Variants in RNF17 observed in about 807,000 individuals in gnomAD.
RNF17 encodes the protein ring finger protein 17.
Under a neutral mutation model 200.5 loss-of-function variants are expected in RNF17, and 31 were observed. That is an observed-to-expected ratio of 0.15 (90% CI 0.12 to 0.21). The LOEUF (loss-of-function observed/expected upper bound fraction) is 0.21, where lower values mean the gene tolerates loss of function less well. Among genes scored for constraint, RNF17 ranks in the 10% least tolerant of loss-of-function variants. The pLI, the probability that RNF17 is intolerant of heterozygous loss-of-function variation, is 1.00. For missense variants in RNF17, 1,628 were observed against 1,905.1 expected, an observed-to-expected ratio of 0.85 and a Z score of 2.71; for synonymous variants, 606 against 637.8, an observed-to-expected ratio of 0.95 and a Z score of 0.75.
At chr13:24,841,615 AATGTC>A (rs1449809055) in intron 18 of RNF17, among the ~76,000 whole-genome samples, 1 of 152,170 alleles carries the variant, frequency 6.6e-6, no homozygotes, top group African/African-American at 2.4e-5. Flanking sequence ...TTCTACAAGA[AATGTC>A]ATGTGTGCAA....
intron 10 of RNF17, 132 bp downstream of exon 10, chr13:24,793,478 A>G: frequency 1.2e-6 from 1 of 833,762 alleles, no homozygotes; most frequent in Non-Finnish European, 1.8e-6. Flanking sequence ...ATGAGTTAAA[A>G]CCTGTTCATT....
intron 10 of RNF17, 74 bp from the exon 11 acceptor site, chr13:24,796,063 T>C (rs1390134313): frequency 8.6e-7 from 1 of 1,167,858 alleles, no homozygotes; most frequent in South Asian, 1.6e-5. Context: ...TTAGAGGCTA[T>C]TATGGTTGTT....
Position 24,793,328 on chromosome 13 carries a change from A to G in RNF17, c.1222A>G (p.Ile408Val). Residue 408 changes from isoleucine to valine, a missense_variant, in exon 10 of 36, where the codon ATT (isoleucine) becomes GTT (valine). By Grantham distance (29) the Ile-to-Val change is conservative (BLOSUM62 3). Around this residue, in one of 5 missense-constraint regions of RNF17, gnomAD observed 502 missense variants for 501.7 expected, o/e 1.00. Coordinates refer to ENST00000255324, the MANE Select transcript of RNF17 (RefSeq NM_031277.3). ...CCCTGATGTGATAATTGAAGAAATTATTGAAGACAACGTGGAAAGTAAGTT... is the reference window on the plus strand; with the variant it reads ...CCCTGATGTGATAATTGAAGAAATTGTTGAAGACAACGTGGAAAGTAAGTT... ...SSPDVIIEEI[I>V]EDNVESSAEL... The G allele has an allele frequency of 2.5e-6, 4 of 1,588,002 alleles. No homozygotes were observed. The highest frequency in any genetic ancestry group is 3.4e-6 in the Non-Finnish European group (4 of 1,170,768).
At chr13:24,804,843 T>C (rs2137760806) in intron 15 of RNF17, among the ~76,000 whole-genome samples, 1 of 152,350 alleles carries the variant, frequency 6.6e-6, no homozygotes. Context: ...GTGTGACTGA[T>C]GTGTTTAGAT....
Position 24,830,509 on chromosome 13 carries a change from A to G in RNF17, c.2271A>G (p.Glu757=), listed in dbSNP as rs952396226. ...GATTGCCTGGACATCAGGAAGTTGA[A>G]GTTAAATATGTGGACTTTGGTAATA... ...VIGLPGHQEV[E]VKYVDFGNTA... is the part of the protein sequence containing the mutation. Residue 757 remains glutamate, a synonymous_variant, in exon 17 of 36, where the codon GAA becomes GAG. Transcript: ENST00000255324. 1.2e-6 allele frequency: 2 copies of G among 1,605,888 alleles called. No individual in the cohort carries two copies. The highest frequency in any genetic ancestry group is 1.7e-6 in the Non-Finnish European group (2 of 1,176,284).
At chr13:24,768,521 T>G (rs556929088) in intron 2 of RNF17, among the ~76,000 whole-genome samples, 27 of 152,258 alleles carry the variant, frequency 1.8e-4, no homozygotes, top group African/African-American at 6.3e-4. Context: ...CCTCACCTCG[T>G]GATCCGCCCA....
intron 22 of RNF17, among the ~76,000 whole-genome samples, chr13:24,849,552 A>G (rs1378026898): frequency 6.6e-6 from 1 of 152,196 alleles, no homozygotes; most frequent in Non-Finnish European, 1.5e-5. Context: ...AAGATTGGAC[A>G]CCTCTGCAGT....
At chr13:24,876,655 G>C (rs959120976) in intron 33 of RNF17, among the ~76,000 whole-genome samples, 6 of 152,158 alleles carry the variant, frequency 3.9e-5, no homozygotes, top group African/African-American at 1.4e-4. Flanking sequence ...GATTTGACTT[G>C]CATTTCCCTA....
At chr13:24,831,361 G>T (rs1159841423) in intron 17 of RNF17, among the ~76,000 whole-genome samples, 3 of 152,118 alleles carry the variant, frequency 2.0e-5, no homozygotes, top group Non-Finnish European at 4.4e-5. Flanking sequence ...AGAATTGCTT[G>T]AACCCGGGAG....
At chr13:24,804,768 G>T (rs754631523) in intron 15 of RNF17, among the ~76,000 whole-genome samples, 1 of 151,988 alleles carries the variant, frequency 6.6e-6, no homozygotes, top group African/African-American at 2.4e-5. Flanking sequence ...TTATTATTAG[G>T]TGTTTTCTGA....
At chr13:24,790,153 A>G (rs1344677740) in intron 9 of RNF17, among the ~76,000 whole-genome samples, 1 of 152,170 alleles carries the variant, frequency 6.6e-6, no homozygotes, top group Non-Finnish European at 1.5e-5. Context: ...CAAGGGAATG[A>G]TCAGTTCTTA....
chr13:24,825,624 G>A lies in RNF17; in HGVS notation c.2097G>A (p.Glu699=), dbSNP rs780623282. 7.6e-6 allele frequency: 12 copies of A among 1,587,162 alleles called. No homozygotes were observed. Among genetic ancestry groups the A allele is most frequent in the South Asian group, 1.1e-5 (1 of 90,172 alleles). The change falls in exon 16 of 36, where the codon GAG becomes GAA. Residue 699 remains glutamate (E), a synonymous_variant. Coordinates refer to ENST00000255324, the MANE Select transcript of RNF17 (RefSeq NM_031277.3). ...TTTATCCCTTTATTTACTAGATAGA[G>A]GGCCTGGATATTTTATTTCTATTAA... ...SPGDFYLQLI[E]GLDILFLLKT... is the part of the protein sequence containing the mutation.
intron 16 of RNF17, among the ~76,000 whole-genome samples, chr13:24,829,262 G>A (rs530881112): frequency 1.3e-5 from 2 of 152,154 alleles, no homozygotes; most frequent in South Asian, 4.2e-4. Flanking sequence ...TTCGCATGGA[G>A]CCATCTTCCC....
chr13:24,885,575 G>GTT, the RNF17 span: 385,258 of 1,499,456 alleles, frequency 0.26, 53,296 homozygotes, highest in Non-Finnish European at 0.29. Flanking sequence ...AGTAATGTAT[G>GTT]TTTGAAGAAT....
intron 1 of RNF17, among the ~76,000 whole-genome samples, chr13:24,765,117 G>A (rs1456989467): frequency 6.6e-6 from 1 of 152,108 alleles, no homozygotes; most frequent in Non-Finnish European, 1.5e-5. Flanking sequence ...CCAGGTTCAC[G>A]CCATTCTCCT....
At chr13:24,807,161 T>G (rs1254150915) in intron 15 of RNF17, among the ~76,000 whole-genome samples, 1 of 151,886 alleles carries the variant, frequency 6.6e-6, no homozygotes, top group African/African-American at 2.4e-5. Flanking sequence ...TGGGTATATA[T>G]CCAGTAATGG....
At chr13:24,836,799 A>G (rs1024896933) in intron 18 of RNF17, among the ~76,000 whole-genome samples, 1 of 77,914 alleles carries the variant, frequency 1.3e-5, no homozygotes, top group Non-Finnish European at 2.5e-5. Flanking sequence ...AAACAAAAAT[A>G]CAAGTTAAAA....
At chr13:24,844,570 C>T in intron 20 of RNF17, 82 bp from the exon 21 acceptor site, 2 of 1,116,720 alleles carry the variant, frequency 1.8e-6, no homozygotes, top group South Asian at 1.6e-5. Flanking sequence ...GCGGAATGAG[C>T]AAGCGGAGAT....
At chr13:24,850,834 A>G (rs1470374638) in intron 23 of RNF17, among the ~76,000 whole-genome samples, 3 of 152,238 alleles carry the variant, frequency 2.0e-5, no homozygotes, top group African/African-American at 7.2e-5. Context: ...GCAAAAGAAT[A>G]AAGAAACTTG....
Sources: gnomAD v4.1 joint callset for allele counts (sites outside exome capture counted in the v4.1 genomes callset) on GRCh38, gnomAD v4.1.1 for gene constraint, gnomAD v4.1.1 regional missense constraint, MANE v1.5 for transcripts, NCBI Gene and HGNC (gene_info 2026-07-23, HGNC 2026-07-21) for gene names.